Variants in RBFOX1 observed in about 807,000 individuals in gnomAD.
RBFOX1 encodes RNA binding fox-1 homolog 1, also known as RNA binding protein fox-1 homolog 1.
RBFOX1 carries 8 observed loss-of-function variants against 57.7 expected under a neutral mutation model. The observed-to-expected ratio is 0.14, with a 90% CI of 0.08 to 0.25. The LOEUF is 0.25. Among genes scored for constraint, RBFOX1 ranks in the 10% least tolerant of loss-of-function variants. The probability of loss-of-function intolerance (pLI) is 1.00; values close to 1 mark genes in which losing one functional copy is unlikely to be tolerated. For synonymous variants in RBFOX1, 326 were observed against 222.4 expected (o/e 1.47, Z -4.15); for missense variants, 611 against 548.5 (o/e 1.11, Z -1.14).
At chr16:6,253,675 A>ATGTGTG (rs377653141) in intron 1 of RBFOX1, among the ~76,000 whole-genome samples, 8 of 144,892 alleles carry the variant, frequency 5.5e-5, no homozygotes, top group Admixed American at 2.1e-4. Context: ...GTGTGTGTGC[A>ATGTGTG]TGTGTGTGTG....
intron 2 of RBFOX1, among the ~76,000 whole-genome samples, chr16:6,339,876 A>C (rs767914513): frequency 6.6e-6 from 1 of 151,566 alleles, no homozygotes; most frequent in Non-Finnish European, 1.5e-5. Flanking sequence ...AGAGGGTTTT[A>C]CCATCTTGGC....
At chr16:7,232,174 C>T (rs769383011) in intron 4 of RBFOX1, among the ~76,000 whole-genome samples, 11 of 152,046 alleles carry the variant, frequency 7.2e-5, no homozygotes, top group Non-Finnish European at 1.2e-4. Context: ...CAGGTACATA[C>T]CACCAGGCCC....
chr16:6,825,403 C>A (rs7190693), intron 3 of RBFOX1, among the ~76,000 whole-genome samples: 1 of 151,632 alleles, frequency 6.6e-6, no homozygotes, highest in South Asian at 2.1e-4. Flanking sequence ...AACGGAAAAG[C>A]CAGAGATTAT....
At chr16:5,657,161 C>G (rs140421573) in intron 3 of RBFOX1, among the ~76,000 whole-genome samples, 175 of 152,176 alleles carry the variant, frequency 1.1e-3, no homozygotes, top group African/African-American at 4.0e-3. Context: ...GATTGGGGAC[C>G]TATTTATTAG....
At chr16:5,730,465 G>T (rs1044834013) in intron 3 of RBFOX1, among the ~76,000 whole-genome samples, 1 of 152,328 alleles carries the variant, frequency 6.6e-6, no homozygotes, top group South Asian at 2.1e-4. Context: ...CACTGGAGCT[G>T]TTAATCTATG....
intron 3 of RBFOX1, among the ~76,000 whole-genome samples, chr16:6,788,349 T>C (rs1476158301): frequency 6.6e-6 from 1 of 152,178 alleles, no homozygotes; most frequent in African/African-American, 2.4e-5. Flanking sequence ...CAACACAAGC[T>C]GGTGAGGCAT....
At position 5,836,896 on chromosome 16, in the gene RBFOX1, C is replaced by T. The variant is rs573455440; in HGVS notation, c.319-30407C>T. Among the ~76,000 whole-genome samples, 536 of 152,302 alleles carry T rather than the reference C, an allele frequency of 3.5e-3. 2 individuals are homozygous for T. The highest frequency in any genetic ancestry group is 0.012 in the African/African-American group (508 of 41,570). On this transcript the variant is annotated intron_variant, in intron 3 of 19. Transcript: ENST00000641259. ...CTAAGGATCTTAGCTCCTTACTTGTCTTCTGACTTGTTTCCTGGTCTCCAA... is the reference window on the plus strand; with the variant it reads ...CTAAGGATCTTAGCTCCTTACTTGTTTTCTGACTTGTTTCCTGGTCTCCAA...
At chr16:5,966,468 T>G (rs146889480) in intron 4 of RBFOX1, among the ~76,000 whole-genome samples, 39 of 152,204 alleles carry the variant, frequency 2.6e-4, no homozygotes, top group African/African-American at 9.4e-4. Context: ...TGGTTTTGTT[T>G]TTGTTTTGAG....
At chr16:7,612,559 A>T (rs1170290480) in intron 10 of RBFOX1, among the ~76,000 whole-genome samples, 1 of 151,744 alleles carries the variant, frequency 6.6e-6, no homozygotes, top group African/African-American at 2.4e-5. Flanking sequence ...CTCAGAGGGG[A>T]TTCTTACACT....
intron 1 of RBFOX1, among the ~76,000 whole-genome samples, chr16:6,165,798 A>C (rs2096912830): frequency 6.6e-6 from 1 of 152,230 alleles, no homozygotes; most frequent in South Asian, 2.1e-4. Flanking sequence ...TTTACAAGAA[A>C]TCTGAGCTGT....
intron 3 of RBFOX1, among the ~76,000 whole-genome samples, chr16:5,777,872 T>C (rs958454726): frequency 6.6e-6 from 1 of 152,194 alleles, no homozygotes; most frequent in Non-Finnish European, 1.5e-5. Context: ...AGAACCACGA[T>C]CATAAGTAGG....
intron 1 of RBFOX1, among the ~76,000 whole-genome samples, chr16:5,330,603 C>G (rs746502784): frequency 6.6e-6 from 1 of 152,006 alleles, no homozygotes; most frequent in Non-Finnish European, 1.5e-5. Context: ...TGGAGATTCA[C>G]CATGTTGGCC....
intron 3 of RBFOX1, among the ~76,000 whole-genome samples, chr16:5,710,167 T>C (rs2051432265): frequency 6.6e-6 from 1 of 151,762 alleles, no homozygotes; most frequent in Non-Finnish European, 1.5e-5. Context: ...GCCATGTGAG[T>C]TTAGAGCCAA....
intron 3 of RBFOX1, among the ~76,000 whole-genome samples, chr16:6,930,862 A>C (rs1327327522): frequency 6.6e-6 from 1 of 152,086 alleles, no homozygotes; most frequent in East Asian, 1.9e-4. Context: ...TCTTAACTGT[A>C]ATAGCATGTT....
intron 2 of RBFOX1, among the ~76,000 whole-genome samples, chr16:6,640,521 T>C (rs964589899): frequency 2.0e-5 from 3 of 152,162 alleles, no homozygotes; most frequent in Non-Finnish European, 2.9e-5. Context: ...GGCAGGAGAA[T>C]AGCGTGAACC....
chr16:6,361,917 T>C (rs560709996), intron 2 of RBFOX1, among the ~76,000 whole-genome samples: 2 of 151,984 alleles, frequency 1.3e-5, no homozygotes, highest in South Asian at 2.1e-4. Flanking sequence ...TTTTCACTCA[T>C]TCATTCAACA....
chr16:6,149,808 G>T (rs1397247093), intron 1 of RBFOX1, among the ~76,000 whole-genome samples: 1 of 152,190 alleles, frequency 6.6e-6, no homozygotes, highest in Non-Finnish European at 1.5e-5. Context: ...GAACTTATTT[G>T]GAGAACGTTT....
chr16:6,359,203 C>T (rs1003267619), intron 2 of RBFOX1, among the ~76,000 whole-genome samples: 1 of 152,154 alleles, frequency 6.6e-6, no homozygotes, highest in Non-Finnish European at 1.5e-5. Context: ...AGTGATTCTC[C>T]TGCCTCTGCC....
intron 4 of RBFOX1, among the ~76,000 whole-genome samples, chr16:7,141,660 A>G (rs573940702): frequency 6.6e-6 from 1 of 152,322 alleles, no homozygotes; most frequent in African/African-American, 2.4e-5. Context: ...AACTCATCTA[A>G]CTTTAGTGTT....
Sources: gnomAD v4.1 joint callset for allele counts (sites outside exome capture counted in the v4.1 genomes callset) on GRCh38, gnomAD v4.1.1 for gene constraint, MANE v1.5 for transcripts, NCBI Gene and HGNC (gene_info 2026-07-23, HGNC 2026-07-21) for gene names.